The following VPS13B variants were observed in gnomAD, a reference collection of about 807,000 sequenced individuals.
VPS13B encodes the protein intermembrane lipid transfer protein VPS13B.
Under a neutral mutation model 426.4 loss-of-function variants are expected in VPS13B, and 285 were observed. The observed-to-expected ratio is 0.67, with a 90% CI of 0.61 to 0.74. The LOEUF is 0.74. Ranked by LOEUF, VPS13B falls within the 30% of genes least tolerant of loss-of-function variation. VPS13B has a pLI of 0.00. For missense variants in VPS13B, 4,537 were observed against 4,782.6 expected (o/e 0.95, Z 1.51); for synonymous variants, 1,676 against 1,676.4 (o/e 1.00, Z 0.01).
intron 8 of VPS13B, among the ~76,000 whole-genome samples, chr8:99,128,831 A>T (rs183553462): frequency 4.7e-4 from 71 of 152,294 alleles, no homozygotes; most frequent in African/African-American, 1.6e-3. Flanking sequence ...ACTACAACAG[A>T]TGGCAAGTTA....
chr8:99,121,111 G>T (rs1847910131), intron 7 of VPS13B, 66 bp from the exon 8 acceptor site: 1 of 1,487,638 alleles, frequency 6.7e-7, no homozygotes, highest in African/African-American at 1.4e-5. Context: ...TTTAAAGGAT[G>T]TCTATTTCTA....
chr8:99,530,214 T>C lies in VPS13B; in HGVS notation c.4745+9204T>C, dbSNP rs72674641. 2.7e-3 allele frequency among the ~76,000 whole-genome samples: 409 copies of C among 152,310 alleles called. 3 individuals are homozygous for C. Among genetic ancestry groups the C allele is most frequent in the African/African-American group, 9.5e-3 (396 of 41,572 alleles). The stretch of plus-strand genomic sequence containing the variant: ...ATCTTACTTAAATCTTGCTCTCTTT[T>C]TGAAATTTTTCATAATCATTTTCTT... On this transcript the variant is annotated intron_variant, in intron 30 of 61. Transcript: ENST00000357162.
chr8:99,362,205 C>T (rs1812607484), intron 19 of VPS13B, among the ~76,000 whole-genome samples: 1 of 145,314 alleles, frequency 6.9e-6, no homozygotes, highest in South Asian at 2.2e-4. Context: ...TGCAGTGGCG[C>T]GATCTGGCTC....
rs1833947593 is a variant in VPS13B, at chr8:99,738,897, C to G, written c.7050+17850C>G. ...TCCAGTCTAGAGCTCCCAGCATGAG[C>G]AACACAGAAGATGGGTGATTTCTGC... On this transcript the variant is annotated intron_variant, in intron 39 of 61. Transcript: ENST00000357162. Among the ~76,000 whole-genome samples, 2 of 152,188 alleles carry G rather than the reference C, an allele frequency of 1.3e-5. 1 individual carries two copies. The highest frequency in any genetic ancestry group is 4.1e-4 in the South Asian group (2 of 4,832).
intron 17 of VPS13B, among the ~76,000 whole-genome samples, chr8:99,220,504 T>C (rs969113466): frequency 7.2e-5 from 11 of 152,230 alleles, no homozygotes; most frequent in Non-Finnish European, 1.6e-4. Flanking sequence ...GTCAGAGTTG[T>C]TGTTAAACAT....
intron 19 of VPS13B, among the ~76,000 whole-genome samples, chr8:99,300,182 G>A (rs1263786055): frequency 6.6e-6 from 1 of 152,064 alleles, no homozygotes; most frequent in Non-Finnish European, 1.5e-5. Context: ...CCAGGGGTGA[G>A]CACAACATTT....
intron 30 of VPS13B, among the ~76,000 whole-genome samples, chr8:99,546,764 TTAAG>T (rs1824003441): frequency 6.6e-6 from 1 of 151,962 alleles, no homozygotes; most frequent in African/African-American, 2.4e-5. Context: ...AGAAAAAAAT[TTAAG>T]TGATATAATT....
At chr8:99,794,755 T>C (rs991861644) in intron 43 of VPS13B, among the ~76,000 whole-genome samples, 10 of 152,164 alleles carry the variant, frequency 6.6e-5, no homozygotes, top group Non-Finnish European at 1.5e-4. Flanking sequence ...TAGGTCTCTT[T>C]TTATTCTTAC....
intron 19 of VPS13B, among the ~76,000 whole-genome samples, chr8:99,310,571 T>G (rs982164156): frequency 6.6e-6 from 1 of 152,284 alleles, no homozygotes; most frequent in South Asian, 2.1e-4. Flanking sequence ...TTTTGATGTG[T>G]TGCTGGATTC....
chr8:99,364,794 T>C lies in VPS13B; in HGVS notation c.2825-19414T>C, dbSNP rs536846265. On this transcript the variant is annotated intron_variant, in intron 19 of 61. Transcript: ENST00000357162. ...TGGGATCAGGGTAATACTTGCCTCG[T>C]AGAATGAGTTTGGAAGTATTACCTT... 7.9e-5 allele frequency among the ~76,000 whole-genome samples: 12 copies of C among 152,288 alleles called. No individual in the cohort carries two copies. In the South Asian group the frequency reaches 2.5e-3, roughly 32 times the overall value.
intron 19 of VPS13B, among the ~76,000 whole-genome samples, chr8:99,350,132 G>A (rs1811796503): frequency 6.6e-6 from 1 of 151,964 alleles, no homozygotes. Context: ...CATTAACTCG[G>A]TCAAGATGAT....
In VPS13B at chr8:99,778,728, A is replaced by T; in HGVS notation, c.7476A>T (p.Pro2492=). The T allele has an allele frequency of 6.2e-7, 1 of 1,614,018 alleles. No individual in the cohort carries two copies. Among genetic ancestry groups the T allele is most frequent in the Non-Finnish European group, 8.5e-7 (1 of 1,179,902 alleles). The stretch of plus-strand genomic sequence containing the variant: ...CATTTGTTTCCGACAGAAATATGCC[A>T]TCTGAACTAGAATACATGATTGTTT... ...LQPFVSDRNM[P]SELEYMIVSF... The change falls in exon 42 of 62, where the codon CCA becomes CCT. Residue 2492 remains proline, a synonymous_variant. Coordinates refer to ENST00000357162, the MANE Select transcript of VPS13B (RefSeq NM_152564.5).
At chr8:99,353,618 A>AT (rs1399072195) in intron 19 of VPS13B, among the ~76,000 whole-genome samples, 48 of 151,242 alleles carry the variant, frequency 3.2e-4, no homozygotes, top group Non-Finnish European at 5.9e-4. Context: ...AAAAAAAAAA[A>AT]CAACAGAATA....
At chr8:99,422,447 G>C (rs1816428299) in intron 21 of VPS13B, among the ~76,000 whole-genome samples, 1 of 152,070 alleles carries the variant, frequency 6.6e-6, no homozygotes, top group South Asian at 2.1e-4. Flanking sequence ...TTTTCAAATG[G>C]TAATAATAGT....
intron 3 of VPS13B, among the ~76,000 whole-genome samples, chr8:99,086,027 TCTC>T (rs1390040687): frequency 2.0e-5 from 3 of 152,208 alleles, no homozygotes; most frequent in African/African-American, 7.2e-5. Context: ...TTGGGGAAGT[TCTC>T]CTGTATAATA....
intron 19 of VPS13B, among the ~76,000 whole-genome samples, chr8:99,375,022 G>A (rs775889568): frequency 1.3e-5 from 2 of 152,074 alleles, no homozygotes; most frequent in Admixed American, 6.5e-5. Flanking sequence ...GACTTTATTC[G>A]TATCTATGGG....
intron 17 of VPS13B, among the ~76,000 whole-genome samples, chr8:99,223,768 GCATT>G (rs1404638371): frequency 6.6e-6 from 1 of 152,082 alleles, no homozygotes; most frequent in African/African-American, 2.4e-5. Context: ...GAATAGAGAT[GCATT>G]CAAAGAATGT....
intron 2 of VPS13B, among the ~76,000 whole-genome samples, chr8:99,034,667 T>C (rs1486990138): frequency 2.0e-5 from 3 of 152,200 alleles, no homozygotes; most frequent in Non-Finnish European, 4.4e-5. Flanking sequence ...GATTTCTCTG[T>C]TAATTTTTGG....
intron 18 of VPS13B, 70 bp downstream of exon 18, chr8:99,274,402 G>C: frequency 6.2e-7 from 1 of 1,608,618 alleles, no homozygotes; most frequent in Non-Finnish European, 8.5e-7. Context: ...TTTACAAGGA[G>C]CGTTACTGAA....
Sources: gnomAD v4.1 joint callset for allele counts (sites outside exome capture counted in the v4.1 genomes callset) on GRCh38, gnomAD v4.1.1 for gene constraint, MANE v1.5 for transcripts, NCBI Gene and HGNC (gene_info 2026-07-23, HGNC 2026-07-21) for gene names.